Variants in MORC2 observed in about 807,000 individuals in gnomAD.
The protein encoded by MORC2 is ATPase MORC2.
In MORC2, 30 loss-of-function variants were observed where a neutral mutation model predicts 136.0. The ratio of observed to expected loss-of-function variants is 0.22; its 90% confidence interval spans 0.17 to 0.30. The LOEUF is 0.30. MORC2 is among the 10% of genes least tolerant of loss of function. MORC2 has a pLI of 1.00. For missense variants in MORC2, 922 were observed against 1,333.1 expected (o/e 0.69, Z 4.80); for synonymous variants, 439 against 487.0 (o/e 0.90, Z 1.30).
At chr22:30,964,492 G>C (rs2041095453) in intron 1 of MORC2, among the ~76,000 whole-genome samples, 1 of 152,186 alleles carries the variant, frequency 6.6e-6, no homozygotes, top group Non-Finnish European at 1.5e-5. Context: ...CCACTTAGCA[G>C]TACTGCAAAC....
chr22:30,940,963 G>T, intron 9 of MORC2, 126 bp from the exon 10 acceptor site: 1 of 813,696 alleles, frequency 1.2e-6, no homozygotes, highest in East Asian at 2.4e-5. Context: ...CTCATGATGA[G>T]ACAAATCCAA....
rs144248516 is a variant in MORC2 at position 30,942,180 on chromosome 22, T to G, written c.518A>C (p.Tyr173Ser). Reference protein sequence around the residue: ...EKFAIETELIYKYSPFRTEEE... With the variant: ...EKFAIETELISKYSPFRTEEE... ...CTCAGTGCGGAATGGAGAGTACTTA[T>G]AGATGAGTTCTGTCTCAATGGCAAA... Residue 173 changes from tyrosine to serine, a missense_variant, in exon 7 of 26, where the codon TAT becomes TCT. Tyr to Ser is a moderately radical substitution (Grantham distance 144). Transcript: ENST00000397641. The G allele has an allele frequency of 4.8e-5, 78 of 1,614,062 alleles. No individual in the cohort carries two copies. Among genetic ancestry groups the G allele is most frequent in the Non-Finnish European group, 6.5e-5 (77 of 1,179,992 alleles).
At chr22:30,964,267 C>T (rs901449410) in intron 1 of MORC2, among the ~76,000 whole-genome samples, 24 of 151,988 alleles carry the variant, frequency 1.6e-4, no homozygotes, top group African/African-American at 5.8e-4. Context: ...TGAGGGAGGA[C>T]AATCACTTGA....
chr22:30,928,005 G>T lies in MORC2; in HGVS notation c.3030+14C>A. Reference sequence around the variant, plus strand: ...CAGGTGGTCCAGCTGCAACAGGAAGGCTGCCGGGCTCACCTCCTGCACCTT... The same window carrying T: ...CAGGTGGTCCAGCTGCAACAGGAAGTCTGCCGGGCTCACCTCCTGCACCTT... On this transcript the variant is annotated intron_variant, in intron 25 of 25. Coordinates refer to ENST00000397641, the MANE Select transcript of MORC2 (RefSeq NM_001303256.3). 2.5e-6 allele frequency: 4 copies of T among 1,612,268 alleles called. No individual in the cohort carries two copies. The highest frequency in any genetic ancestry group is 3.4e-6 in the Non-Finnish European group (4 of 1,179,896).
Position 30,935,152 on chromosome 22 carries a change from G to T in MORC2, c.1822C>A (p.Arg608Ser). ...TTRPSTEEPV[R>S]RPQRPRSPPL... Reference sequence around the variant, plus strand: ...GGCGACCGAGGACGCTGAGGTCTACGCACAGGTTCCTAAAAAAAGGCCCAC... The same window carrying T: ...GGCGACCGAGGACGCTGAGGTCTACTCACAGGTTCCTAAAAAAAGGCCCAC... The change falls in exon 19 of 26, where the codon CGT becomes AGT. Residue 608 changes from arginine to serine, a missense_variant. By Grantham distance (110) the Arg-to-Ser change is moderately radical. Transcript: ENST00000397641. 1 of 1,612,254 alleles carries T rather than the reference G, an allele frequency of 6.2e-7. No homozygotes were observed. The highest frequency in any genetic ancestry group is 1.3e-5 in the African/African-American group (1 of 74,844).
rs1273037418 is a variant in MORC2, at chr22:30,968,746, T to C, written c.-857A>G. 6.6e-6 allele frequency among the ~76,000 whole-genome samples: 1 copy of C among 152,022 alleles called. No individual in the cohort carries two copies. Among genetic ancestry groups the C allele is most frequent in the Non-Finnish European group, 1.5e-5 (1 of 67,986 alleles). On this transcript the variant is annotated 5_prime_UTR_variant, in exon 1 of 26. Transcript: ENST00000397641. ...CGAGGGCAGTGGCGAGCGCACCACC[T>C]GACCGGGCACTACCCGGATCTCACA...
At position 30,937,706 on chromosome 22, in the gene MORC2, T is replaced by C. The variant is rs2040675040; in HGVS notation, c.1375A>G (p.Arg459Gly). ...TCATCCCAGAACTTGATGATTCCCC[T>C]CTGGGCTGGAAAGCAAACACCGATA... ...QYWKDIAIAQ[R>G]GIIKFWDEFG... is the part of the protein sequence containing the mutation. The change falls in exon 15 of 26, where the codon AGG becomes GGG. Residue 459 changes from arginine to glycine, a missense_variant. This residue lies in a region of MORC2 where 119 missense variants were observed against 202.7 expected (regional missense o/e 0.59). Coordinates refer to ENST00000397641, the MANE Select transcript of MORC2 (RefSeq NM_001303256.3). This position sits in a 1 kb window ranked among gnomAD's most constrained non-coding sequence, Gnocchi z 4.7. 1 of 1,613,928 alleles carries C rather than the reference T, an allele frequency of 6.2e-7. No individual in the cohort carries two copies.
intron 4 of MORC2, 38 bp downstream of exon 4, chr22:30,950,339 A>ACAACCC: frequency 1.9e-6 from 1 of 539,986 alleles, no homozygotes. Flanking sequence ...GTTACATCGC[A>ACAACCC]CCCCCCCACC....
chr22:30,949,264 G>A (rs1301434635), intron 5 of MORC2, among the ~76,000 whole-genome samples: 1 of 152,138 alleles, frequency 6.6e-6, no homozygotes, highest in African/African-American at 2.4e-5. Flanking sequence ...CTGCTATAAG[G>A]GCCTTGCAGT....
chr22:30,968,171 C>A lies in MORC2; in HGVS notation c.-282G>T. ...TTAAGGAGCTTTTAGCATTAAGTTG[C>A]GATAGCTCAATTCAGACAATCTGAG... On this transcript the variant is annotated 5_prime_UTR_variant, in exon 1 of 26. Transcript: ENST00000397641. 1 of 353,602 alleles carries A rather than the reference C, an allele frequency of 2.8e-6. No homozygotes were observed. Among genetic ancestry groups the A allele is most frequent in the Non-Finnish European group, 5.3e-6 (1 of 190,186 alleles). The allele number at this position is 353,602 out of a possible 1,614,324, so 21.9% of individuals were successfully genotyped here.
chr22:30,935,182 A>G, intron 18 of MORC2, 21 bp from the exon 19 acceptor site: 2 of 1,612,076 alleles, frequency 1.2e-6, no homozygotes, highest in East Asian at 2.2e-5. Context: ...GCCCACAGAG[A>G]GTGAGAACAC....
At chr22:30,956,859 T>G (rs942805820) in intron 2 of MORC2, 62 bp from the exon 3 acceptor site, 6 of 1,306,926 alleles carry the variant, frequency 4.6e-6, no homozygotes, top group Non-Finnish European at 6.5e-6. Flanking sequence ...TCAAAATGCA[T>G]AGTGATTTGA....
At chr22:30,955,623 C>G (rs1204274609) in intron 3 of MORC2, among the ~76,000 whole-genome samples, 1 of 152,168 alleles carries the variant, frequency 6.6e-6, no homozygotes, top group Non-Finnish European at 1.5e-5. Context: ...GAACCTAGTT[C>G]ATGCTACTCA....
chr22:30,960,001 CTT>C (rs1352380449), intron 1 of MORC2, among the ~76,000 whole-genome samples: 5 of 152,224 alleles, frequency 3.3e-5, no homozygotes, highest in African/African-American at 9.6e-5. Flanking sequence ...GAGTTTCGCT[CTT>C]GTCGCCCAGG....
chr22:30,966,442 T>C (rs1416116412), intron 1 of MORC2, among the ~76,000 whole-genome samples: 1 of 152,206 alleles, frequency 6.6e-6, no homozygotes, highest in Non-Finnish European at 1.5e-5. Flanking sequence ...CCAAGTGTGT[T>C]TCAGGGTCAT....
At chr22:30,966,088 T>C (rs932360520) in intron 1 of MORC2, among the ~76,000 whole-genome samples, 1 of 152,254 alleles carries the variant, frequency 6.6e-6, no homozygotes, top group Admixed American at 6.5e-5. Flanking sequence ...CCTGTAAAGA[T>C]TGCTTTGGAC....
chr22:30,928,258 A>C, intron 24 of MORC2, 51 bp from the exon 25 acceptor site: 1 of 1,596,048 alleles, frequency 6.3e-7, no homozygotes, highest in Non-Finnish European at 8.6e-7. Context: ...AGGGGTCCCC[A>C]GGGCCCTTCT....
chr22:30,939,833 T>G, intron 11 of MORC2, 126 bp downstream of exon 11: 1 of 1,350,154 alleles, frequency 7.4e-7, no homozygotes, highest in Non-Finnish European at 1.0e-6. Context: ...AATTTACTTC[T>G]TTCTACAGAA....
At chr22:30,938,980 G>A (rs2040700338) in intron 12 of MORC2, among the ~76,000 whole-genome samples, 1 of 152,234 alleles carries the variant, frequency 6.6e-6, no homozygotes, top group African/African-American at 2.4e-5. Context: ...GCAGATGGAT[G>A]AGGAGTGGAC....
Sources: allele counts gnomAD v4.1 joint callset (sites outside exome capture counted in the v4.1 genomes callset), GRCh38; gene constraint gnomAD v4.1.1; regional missense constraint gnomAD v4.1.1; non-coding constraint Gnocchi (gnomAD v3.1); transcripts MANE v1.5; gene names NCBI Gene and HGNC (gene_info 2026-07-23, HGNC 2026-07-21).